CYP4X1: variants seen among roughly 807,000 people sequenced by gnomAD.
The protein encoded by CYP4X1 is cytochrome P450 4X1.
Under a neutral mutation model 57.9 loss-of-function variants are expected in CYP4X1, and 44 were observed. The observed-to-expected ratio is 0.76, with a 90% confidence interval of 0.60 to 0.98. The LOEUF is 0.98. Among genes scored for constraint, CYP4X1 ranks in the 50% least tolerant of loss-of-function variants. The pLI is 0.00. For synonymous variants in CYP4X1, 227 were observed against 228.6 expected (o/e 0.99, Z 0.06); for missense variants, 532 against 623.9 (o/e 0.85, Z 1.57).
the CYP4X1 span, among the ~76,000 whole-genome samples, chr1:46,965,225 C>T: frequency 3.2e-4 from 49 of 152,310 alleles, no homozygotes; most frequent in Admixed American, 3.2e-3. Context: ...GGCTCATGCT[C>T]GGTGTGCTGC....
the CYP4X1 span, chr1:46,967,655 G>A: frequency 6.4e-6 from 3 of 465,362 alleles, no homozygotes; most frequent in African/African-American, 4.1e-5. Context: ...GAGGAAGACA[G>A]GGTGGCAGGT....
At chr1:46,993,962 T>G in the CYP4X1 span, among the ~76,000 whole-genome samples, 1 of 152,240 alleles carries the variant, frequency 6.6e-6, no homozygotes, top group Admixed American at 6.5e-5. Context: ...ATTTTGGCTT[T>G]TGTTGCCATT....
upstream of CYP4X1, chr1:47,023,593 G>C (rs1644021951): frequency 7.6e-7 from 1 of 1,316,050 alleles, no homozygotes; most frequent in African/African-American, 1.5e-5. Flanking sequence ...CGAACGAAGC[G>C]TGCGCGCTTT....
chr1:47,046,585 T>C lies in CYP4X1; in HGVS notation c.1192T>C (p.Cys398Arg). The C allele has an allele frequency of 6.2e-7, 1 of 1,614,162 alleles. No individual in the cohort carries two copies. Among genetic ancestry groups the C allele is most frequent in the Non-Finnish European group, 8.5e-7 (1 of 1,180,032 alleles). The part of the protein sequence containing the change: ...LSKPLTFPDG[C>R]TLPAGITVVL... ...CAAGCCACTTACCTTCCCAGATGGA[T>C]GCACATTGCCTGCAGGTCTTTACAT... The change falls in exon 9 of 12, where the codon TGC becomes CGC. Residue 398 changes from cysteine to arginine, a missense_variant. By Grantham distance (180) the Cys-to-Arg change is radical (BLOSUM62 -3). Transcript: ENST00000371901.
At chr1:46,984,869 C>G in the CYP4X1 span, among the ~76,000 whole-genome samples, 1 of 152,162 alleles carries the variant, frequency 6.6e-6, no homozygotes, top group East Asian at 1.9e-4. Flanking sequence ...TTGTTCACTC[C>G]CCTGGAAAGG....
the CYP4X1 span, among the ~76,000 whole-genome samples, chr1:47,000,338 A>C: frequency 0.26 from 39,662 of 151,866 alleles, 5,470 homozygotes; most frequent in East Asian, 0.52. Flanking sequence ...TAAACAACTC[A>C]GTGTCAGGTA....
the CYP4X1 span, among the ~76,000 whole-genome samples, chr1:46,985,886 AG>A: frequency 2.0e-5 from 3 of 152,254 alleles, no homozygotes; most frequent in Non-Finnish European, 4.4e-5. Context: ...CAAAGACTAA[AG>A]GTAGATAAGT....
chr1:47,047,624 CAG>C (rs1644316522), intron 9 of CYP4X1, among the ~76,000 whole-genome samples: 1 of 152,076 alleles, frequency 6.6e-6, no homozygotes, highest in Non-Finnish European at 1.5e-5. Flanking sequence ...CCTCTCAAGA[CAG>C]AGTCTTGCTA....
chr1:46,979,503 G>C, the CYP4X1 span, among the ~76,000 whole-genome samples: 9 of 151,988 alleles, frequency 5.9e-5, no homozygotes, highest in Non-Finnish European at 4.4e-5. Flanking sequence ...CAACCAAAAA[G>C]AGTCCACAAC....
At chr1:47,036,479 C>T (rs1221620849) in intron 6 of CYP4X1, among the ~76,000 whole-genome samples, 2 of 150,686 alleles carry the variant, frequency 1.3e-5, no homozygotes, top group Admixed American at 6.6e-5. Flanking sequence ...TTTTGCACAG[C>T]GATTGCAGTA....
chr1:46,972,351 A>G, the CYP4X1 span, among the ~76,000 whole-genome samples: 1 of 152,210 alleles, frequency 6.6e-6, no homozygotes, highest in Non-Finnish European at 1.5e-5. Context: ...GCTTTGCAGT[A>G]TATTTTAAAG....
intron 9 of CYP4X1, 29 bp from the exon 10 acceptor site, chr1:47,048,536 C>T (rs777481072): frequency 1.9e-6 from 3 of 1,612,102 alleles, no homozygotes; most frequent in Non-Finnish European, 2.5e-6. Context: ...CTTTCTCCTG[C>T]AGTCTCTTTT....
the CYP4X1 span, among the ~76,000 whole-genome samples, chr1:47,006,370 A>G: frequency 6.6e-6 from 1 of 152,206 alleles, no homozygotes; most frequent in Non-Finnish European, 1.5e-5. Flanking sequence ...ATAATTCTGT[A>G]TACAAAATGT....
chr1:47,039,334 CT>C lies in CYP4X1; in HGVS notation c.883-5del. 1.3e-6 allele frequency: 2 copies of C among 1,581,858 alleles called. No individual in the cohort carries two copies. The highest frequency in any genetic ancestry group is 1.7e-6 in the Non-Finnish European group (2 of 1,165,738). ...TTTTATTTAAAATATTTGTATTGTA[CT>C]TTCTAGGATGAAAGTGGTAGCAGCT... On this transcript the variant is annotated splice_region_variant and splice_polypyrimidine_tract_variant and intron_variant, in intron 7 of 11. Coordinates refer to ENST00000371901, the MANE Select transcript of CYP4X1 (RefSeq NM_178033.2).
At chr1:47,049,875 T>G (rs766955337) in intron 11 of CYP4X1, 125 bp from the exon 12 acceptor site, 47 of 1,052,406 alleles carry the variant, frequency 4.5e-5, no homozygotes, top group Non-Finnish European at 5.9e-5. Context: ...TTCAAAAGTT[T>G]CAATGGCATT....
chr1:47,027,232 G>A (rs991058622), intron 1 of CYP4X1, among the ~76,000 whole-genome samples: 3 of 151,064 alleles, frequency 2.0e-5, no homozygotes, highest in Non-Finnish European at 4.4e-5. Flanking sequence ...CAGAGATGAC[G>A]GACATGTCAA....
the CYP4X1 span, chr1:46,967,571 G>C: frequency 7.6e-6 from 2 of 264,054 alleles, no homozygotes; most frequent in African/African-American, 4.5e-5. Flanking sequence ...AGGATAGCAG[G>C]TAGATGGGAA....
intron 1 of CYP4X1, among the ~76,000 whole-genome samples, chr1:47,025,287 A>G (rs1393747619): frequency 6.6e-6 from 1 of 152,112 alleles, no homozygotes; most frequent in African/African-American, 2.4e-5. Context: ...GTTCACTTCC[A>G]CTATGAGTGG....
chr1:47,053,723 G>A (rs1243107175), downstream of CYP4X1, among the ~76,000 whole-genome samples: 1 of 152,202 alleles, frequency 6.6e-6, no homozygotes, highest in African/African-American at 2.4e-5. Context: ...CCTCTTTTGA[G>A]AAGTCTCTGC....
Sources: gnomAD v4.1 joint callset for allele counts (sites outside exome capture counted in the v4.1 genomes callset) on GRCh38, gnomAD v4.1.1 for gene constraint, MANE v1.5 for transcripts, NCBI Gene and HGNC (gene_info 2026-07-23, HGNC 2026-07-21) for gene names.